FYN: variants seen among roughly 807,000 people sequenced by gnomAD.
FYN encodes tyrosine-protein kinase Fyn.
In FYN, 10 loss-of-function variants were observed where a neutral mutation model predicts 70.2. That is an observed-to-expected ratio of 0.14 (90% CI 0.09 to 0.24). FYN has a LOEUF of 0.24. FYN is among the 10% of genes least tolerant of loss of function. The pLI, the probability that FYN is intolerant of heterozygous loss-of-function variation, is 1.00. For synonymous variants in FYN, 236 were observed against 248.6 expected, an observed-to-expected ratio of 0.95 and a Z score of 0.48; for missense variants, 319 against 673.1, an observed-to-expected ratio of 0.47 and a Z score of 5.82.
In FYN at chr6:111,660,694, C is replaced by T. The variant is rs1233182878; in HGVS notation, c.*1045G>A. 2 of 152,226 alleles carry T rather than the reference C, an allele frequency of 1.3e-5. No individual in the cohort carries two copies. Among genetic ancestry groups the T allele is most frequent in the Non-Finnish European group, 2.9e-5 (2 of 68,044 alleles). The allele number at this position is 152,226 out of a possible 1,614,324, so 9.4% of individuals were successfully genotyped here. ...ATGGGAAATGTACAACCCCCACCCTCATTTCCCCCAGAAATTTTAGTTGCA... is the reference window on the plus strand; with the variant it reads ...ATGGGAAATGTACAACCCCCACCCTTATTTCCCCCAGAAATTTTAGTTGCA... On this transcript the variant is annotated 3_prime_UTR_variant, in exon 14 of 14. Transcript: ENST00000354650.
chr6:111,674,754 G>C (rs1221205764), intron 12 of FYN, 124 bp from the exon 13 acceptor site: 1 of 1,048,124 alleles, frequency 9.5e-7, no homozygotes, highest in Non-Finnish European at 1.4e-6. Flanking sequence ...AGACAGAAAG[G>C]AGGTGAAGCA....
At chr6:111,826,553 T>G (rs1224771702) in intron 2 of FYN, among the ~76,000 whole-genome samples, 1 of 152,180 alleles carries the variant, frequency 6.6e-6, no homozygotes, top group African/African-American at 2.4e-5. Flanking sequence ...AGGAGAGATT[T>G]ATAGCCCCCA....
In FYN at chr6:111,695,818, G is replaced by T. The variant is rs550015634; in HGVS notation, c.1042+459C>A. 1.4e-4 allele frequency among the ~76,000 whole-genome samples: 22 copies of T among 152,210 alleles called. No individual in the cohort carries two copies. The East Asian group carries it at 4.1e-3, about 28-fold the overall frequency. ...GTCTCTGAAAGCATGTAATTTCATCGCCTGACGTTTAAGAAGAGAGCTGGA... is the reference window on the plus strand; with the variant it reads ...GTCTCTGAAAGCATGTAATTTCATCTCCTGACGTTTAAGAAGAGAGCTGGA... On this transcript the variant is annotated intron_variant, in intron 10 of 13. Transcript: ENST00000354650.
At chr6:111,751,520 T>C (rs2128487313) in intron 3 of FYN, among the ~76,000 whole-genome samples, 1 of 152,372 alleles carries the variant, frequency 6.6e-6, no homozygotes. Context: ...ATTAAGAGAA[T>C]TCTGAGTTTT....
At chr6:111,823,630 ACT>A (rs1157019152) in intron 2 of FYN, among the ~76,000 whole-genome samples, 1 of 152,078 alleles carries the variant, frequency 6.6e-6, no homozygotes, top group Non-Finnish European at 1.5e-5. Flanking sequence ...ACTAAAAAGG[ACT>A]CTCTCTGCTT....
intron 13 of FYN, among the ~76,000 whole-genome samples, chr6:111,664,509 G>C (rs1583277551): frequency 6.6e-6 from 1 of 152,206 alleles, no homozygotes; most frequent in Admixed American, 6.5e-5. Context: ...TCTGCCAATG[G>C]AAAGTTTAAT....
chr6:111,700,323 G>A (rs1212192139), intron 8 of FYN, 55 bp from the exon 9 acceptor site: 7 of 1,579,380 alleles, frequency 4.4e-6, no homozygotes, highest in Non-Finnish European at 6.1e-6. Flanking sequence ...CACATGTAAT[G>A]ACAACACTCA....
chr6:111,863,822 CCT>C (rs1774030985), intron 1 of FYN, among the ~76,000 whole-genome samples: 1 of 152,252 alleles, frequency 6.6e-6, no homozygotes, highest in Non-Finnish European at 1.5e-5. Context: ...ATCCCGGGCC[CCT>C]CTCAAGCTTC....
chr6:111,676,646 A>G (rs1403484960), intron 12 of FYN: 1 of 152,242 alleles, frequency 6.6e-6, no homozygotes, highest in Non-Finnish European at 1.5e-5. Context: ...TCAGAGAATT[A>G]AAGGTATACT....
intron 2 of FYN, among the ~76,000 whole-genome samples, chr6:111,824,172 T>C (rs571066353): frequency 1.6e-4 from 25 of 152,226 alleles, no homozygotes; most frequent in Non-Finnish European, 3.1e-4. Context: ...GAAAAACATC[T>C]TTTGCAAGAT....
intron 3 of FYN, among the ~76,000 whole-genome samples, chr6:111,763,804 T>C (rs1803101678): frequency 6.6e-6 from 1 of 152,196 alleles, no homozygotes; most frequent in Non-Finnish European, 1.5e-5. Context: ...GCTTGAGCAC[T>C]TACTAGCTGG....
At chr6:111,854,262 C>CT (rs1178951381) in intron 1 of FYN, among the ~76,000 whole-genome samples, 5 of 152,176 alleles carry the variant, frequency 3.3e-5, no homozygotes, top group Non-Finnish European at 5.9e-5. Flanking sequence ...TGAAAGATGA[C>CT]CAATGACAAT....
intron 2 of FYN, among the ~76,000 whole-genome samples, chr6:111,837,680 C>T (rs181097880): frequency 2.9e-4 from 44 of 152,322 alleles, no homozygotes; most frequent in African/African-American, 1.0e-3. Flanking sequence ...CACTTTGTGC[C>T]TCCACTTCAG....
At chr6:111,691,378 A>G (rs1454773985) in intron 12 of FYN, among the ~76,000 whole-genome samples, 2 of 152,168 alleles carry the variant, frequency 1.3e-5, no homozygotes, top group African/African-American at 4.8e-5. Flanking sequence ...TGGTCCTAAA[A>G]TATCTGTGTT....
At chr6:111,702,691 CTAA>C (rs1174347791) in intron 8 of FYN, 191 bp downstream of exon 8, 3 of 422,838 alleles carry the variant, frequency 7.1e-6, no homozygotes, top group African/African-American at 2.0e-5. Context: ...ACATGTGGAA[CTAA>C]TAATAACAAC....
intron 3 of FYN, among the ~76,000 whole-genome samples, chr6:111,726,747 A>C (rs1464056648): frequency 6.6e-6 from 1 of 152,288 alleles, no homozygotes; most frequent in Non-Finnish European, 1.5e-5. Flanking sequence ...ATCTCACCTC[A>C]AATTGTAATC....
chr6:111,815,729 T>C (rs1214821894), intron 2 of FYN, among the ~76,000 whole-genome samples: 1 of 146,472 alleles, frequency 6.8e-6, no homozygotes, highest in South Asian at 2.1e-4. Flanking sequence ...TTTTTTTTTC[T>C]TTTTTTTGAG....
At chr6:111,705,437 G>A (rs1268150504) in intron 6 of FYN, among the ~76,000 whole-genome samples, 1 of 149,612 alleles carries the variant, frequency 6.7e-6, no homozygotes, top group East Asian at 2.0e-4. Flanking sequence ...CCAGGCTGGA[G>A]TGCAGTGGCA....
intron 3 of FYN, among the ~76,000 whole-genome samples, chr6:111,764,881 T>C (rs188769860): frequency 1.3e-5 from 2 of 152,178 alleles, no homozygotes; most frequent in African/African-American, 2.4e-5. Context: ...CCTTCCCTGC[T>C]GTGGCTCATT....
Sources: gnomAD v4.1 joint callset for allele counts (sites outside exome capture counted in the v4.1 genomes callset) on GRCh38, gnomAD v4.1.1 for gene constraint, MANE v1.5 for transcripts, NCBI Gene and HGNC (gene_info 2026-07-23, HGNC 2026-07-21) for gene names.